The following DCBLD2 variants were observed in gnomAD, a reference collection of about 807,000 sequenced individuals.
DCBLD2 encodes the protein discoidin, CUB and LCCL domain containing 2.
DCBLD2 carries 54 observed loss-of-function variants against 86.8 expected under a neutral mutation model. The ratio of observed to expected loss-of-function variants is 0.62; its 90% confidence interval spans 0.50 to 0.78. The LOEUF (loss-of-function observed/expected upper bound fraction) is 0.78, where lower values mean the gene tolerates loss of function less well. DCBLD2 is among the 30% of genes least tolerant of loss of function. The pLI is 0.00. For synonymous variants in DCBLD2, 354 were observed against 341.3 expected, an observed-to-expected ratio of 1.04 and a Z score of -0.41; for missense variants, 908 against 954.2, an observed-to-expected ratio of 0.95 and a Z score of 0.64.
At chr3:98,806,446 A>G (rs2107427468) in intron 13 of DCBLD2, among the ~76,000 whole-genome samples, 1 of 152,046 alleles carries the variant, frequency 6.6e-6, no homozygotes, top group South Asian at 2.1e-4. Context: ...CCTCTTTGGA[A>G]TTTCCTAAAG....
intron 12 of DCBLD2, among the ~76,000 whole-genome samples, chr3:98,809,744 G>T (rs575522554): frequency 6.5e-4 from 99 of 152,256 alleles, no homozygotes; most frequent in African/African-American, 2.3e-3. Context: ...CACTGAGGGA[G>T]GACCTGGAAA....
At chr3:98,887,191 G>GAT (rs1943578277) in intron 1 of DCBLD2, among the ~76,000 whole-genome samples, 1 of 151,196 alleles carries the variant, frequency 6.6e-6, no homozygotes, top group African/African-American at 2.4e-5. Context: ...AGTTTTCAAG[G>GAT]TTTTTTTTGG....
intron 3 of DCBLD2, among the ~76,000 whole-genome samples, chr3:98,846,508 T>C (rs1367689246): frequency 6.6e-6 from 1 of 152,196 alleles, no homozygotes; most frequent in Non-Finnish European, 1.5e-5. Flanking sequence ...CAGTGTTGTC[T>C]TGAATATAGT....
intron 3 of DCBLD2, among the ~76,000 whole-genome samples, chr3:98,841,806 T>C (rs1439671725): frequency 6.6e-6 from 1 of 152,190 alleles, no homozygotes; most frequent in Non-Finnish European, 1.5e-5. Context: ...CTCATGCCTG[T>C]AATCCCAGCA....
intron 3 of DCBLD2, among the ~76,000 whole-genome samples, chr3:98,836,732 C>CT (rs1242888937): frequency 2.9e-5 from 1 of 34,570 alleles, no homozygotes; most frequent in South Asian, 1.6e-3. Context: ...GGGCTGACCC[C>CT]CCCATCTCCC....
intron 2 of DCBLD2, among the ~76,000 whole-genome samples, chr3:98,870,810 A>AAAGAAAGGAAGG (rs760385201): frequency 3.7e-4 from 49 of 131,684 alleles, no homozygotes; most frequent in East Asian, 1.1e-3. Context: ...AGAAAGAAAG[A>AAAGAAAGGAAGG]AAGGTAGGCA....
At chr3:98,893,976 A>G (rs1295390227) in intron 1 of DCBLD2, among the ~76,000 whole-genome samples, 2 of 152,224 alleles carry the variant, frequency 1.3e-5, no homozygotes, top group Non-Finnish European at 2.9e-5. Context: ...CGATGACCAC[A>G]TGACTTAATC....
chr3:98,900,978 A>G (rs1943838233), intron 1 of DCBLD2, 144 bp downstream of exon 1: 1 of 1,405,874 alleles, frequency 7.1e-7, no homozygotes, highest in Non-Finnish European at 9.5e-7. Context: ...TTTGCAACTC[A>G]ACCCCGTGAG....
intron 10 of DCBLD2, 111 bp downstream of exon 10, chr3:98,812,221 G>A: frequency 1.4e-6 from 2 of 1,389,440 alleles, no homozygotes; most frequent in Non-Finnish European, 9.8e-7. Context: ...ATTGTAATTA[G>A]AGTTTAACCA....
intron 2 of DCBLD2, among the ~76,000 whole-genome samples, chr3:98,850,292 T>G (rs1942810042): frequency 6.6e-6 from 1 of 152,168 alleles, no homozygotes; most frequent in Non-Finnish European, 1.5e-5. Flanking sequence ...TAAAATGCAT[T>G]AACACTAATG....
At chr3:98,900,454 G>A (rs1943827925) in intron 1 of DCBLD2, among the ~76,000 whole-genome samples, 1 of 152,024 alleles carries the variant, frequency 6.6e-6, no homozygotes, top group Non-Finnish European at 1.5e-5. Flanking sequence ...TCTGGAACAG[G>A]TTTTTCAAGG....
chr3:98,887,700 T>C (rs113687545), intron 1 of DCBLD2, among the ~76,000 whole-genome samples: 1 of 152,040 alleles, frequency 6.6e-6, no homozygotes, highest in South Asian at 2.1e-4. Flanking sequence ...AGTTTTAGGT[T>C]CATAATAAAA....
intron 3 of DCBLD2, among the ~76,000 whole-genome samples, chr3:98,848,403 T>C (rs1339998331): frequency 1.3e-5 from 2 of 151,932 alleles, no homozygotes. Flanking sequence ...TCTAAGTCTT[T>C]GCTATTGAAT....
intron 2 of DCBLD2, among the ~76,000 whole-genome samples, chr3:98,867,265 G>C (rs990880249): frequency 6.6e-6 from 1 of 152,126 alleles, no homozygotes; most frequent in Admixed American, 6.5e-5. Flanking sequence ...TAGCTTGATG[G>C]GGATGGCATT....
intron 2 of DCBLD2, among the ~76,000 whole-genome samples, chr3:98,862,774 G>C (rs190682850): frequency 1.1e-3 from 161 of 152,204 alleles, no homozygotes; most frequent in Admixed American, 2.7e-3. Flanking sequence ...ACACTGAATG[G>C]GCAAAAACTG....
chr3:98,890,540 A>G (rs1001842506), intron 1 of DCBLD2: 6 of 152,066 alleles, frequency 3.9e-5, no homozygotes, highest in East Asian at 3.8e-4. Context: ...TACATATCCA[A>G]TGAAACTCTT....
chr3:98,871,319 C>A (rs1036455006), intron 2 of DCBLD2, among the ~76,000 whole-genome samples: 2 of 152,048 alleles, frequency 1.3e-5, no homozygotes, highest in East Asian at 3.9e-4. Flanking sequence ...TCCAGTACTA[C>A]GTTGAATAAA....
At chr3:98,853,043 T>C (rs866629387) in intron 2 of DCBLD2, among the ~76,000 whole-genome samples, 3 of 150,802 alleles carry the variant, frequency 2.0e-5, no homozygotes, top group Non-Finnish European at 4.4e-5. Flanking sequence ...TGTTTTAAGT[T>C]GTAGGCTTGT....
intron 4 of DCBLD2, among the ~76,000 whole-genome samples, 185 bp from the exon 5 acceptor site, chr3:98,822,926 G>T (rs886300803): frequency 6.6e-6 from 1 of 152,206 alleles, no homozygotes; most frequent in Admixed American, 6.5e-5. Context: ...AGGCTGGAGT[G>T]CAATGGCACC....
Sources: allele counts gnomAD v4.1 joint callset (sites outside exome capture counted in the v4.1 genomes callset), GRCh38; gene constraint gnomAD v4.1.1; transcripts MANE v1.5; gene names NCBI Gene and HGNC (gene_info 2026-07-23, HGNC 2026-07-21).